The following DGKK variants were observed in gnomAD, a reference collection of about 807,000 sequenced individuals.
The protein encoded by DGKK is 142 kDa diacylglycerol kinase.
In DGKK, 35 loss-of-function variants were observed where a neutral mutation model predicts 92.2. The observed-to-expected ratio is 0.38, with a 90% CI of 0.29 to 0.50. The LOEUF (loss-of-function observed/expected upper bound fraction) is 0.50. Among genes scored for constraint, DGKK ranks in the 20% least tolerant of loss-of-function variants. DGKK has a pLI of 0.92. For missense variants in DGKK, 910 were observed against 992.2 expected, an observed-to-expected ratio of 0.92 and a Z score of 1.11; for synonymous variants, 368 against 360.6, an observed-to-expected ratio of 1.02 and a Z score of -0.23.
Position 50,366,072 on chromosome X carries a change from A to G in DGKK, c.*2868T>C, listed in dbSNP as rs1010156253. The stretch of plus-strand genomic sequence containing the variant: ...GCTACCAAAGATACAACCAAACCCT[A>G]GAGCTTTGGGTCTTAATGATGTCTG... On this transcript the variant is annotated 3_prime_UTR_variant, in exon 28 of 28. Coordinates refer to ENST00000611977, the MANE Select transcript of DGKK (RefSeq NM_001013742.4). 8.9e-6 allele frequency: 1 copy of G among 111,815 alleles called. No homozygotes were observed. Among genetic ancestry groups the G allele is most frequent in the African/African-American group, 3.3e-5 (1 of 30,704 alleles). The allele number at this position is 111,815 out of a possible 1,213,427, so 9.2% of individuals were successfully genotyped here.
At chrX:50,410,886 T>C (rs1223377885) in intron 4 of DGKK, among the ~76,000 whole-genome samples, 2 of 111,369 alleles carry the variant, frequency 1.8e-5, no homozygotes, top group Non-Finnish European at 3.8e-5. Context: ...ACGGGAAACA[T>C]TGGTAGTACC....
At chrX:50,452,646 T>G (rs1926523152) in intron 1 of DGKK, among the ~76,000 whole-genome samples, 1 of 112,083 alleles carries the variant, frequency 8.9e-6, no homozygotes, top group Non-Finnish European at 1.9e-5. Context: ...CTCTTTACTG[T>G]TTTTTAGTGA....
At chrX:50,371,566 G>A (rs782462336) in intron 26 of DGKK, among the ~76,000 whole-genome samples, 158 bp downstream of exon 26, 6 of 111,630 alleles carry the variant, frequency 5.4e-5, no homozygotes, top group African/African-American at 2.0e-4. Flanking sequence ...AAGAGATTGG[G>A]GGGAGGTGGG....
At chrX:50,407,466 G>A (rs984123307) in intron 4 of DGKK, among the ~76,000 whole-genome samples, 1 of 110,653 alleles carries the variant, frequency 9.0e-6, no homozygotes, top group African/African-American at 3.3e-5. Flanking sequence ...TTTCCTCAAC[G>A]TGTGCATGCA....
chrX:50,406,618 G>A (rs1309330518), intron 4 of DGKK, among the ~76,000 whole-genome samples: 1 of 111,614 alleles, frequency 9.0e-6, no homozygotes, highest in Non-Finnish European at 1.9e-5. Flanking sequence ...GACAATGAAG[G>A]TGGAGATTGG....
intron 1 of DGKK, among the ~76,000 whole-genome samples, chrX:50,460,457 G>A (rs1477589908): frequency 3.6e-5 from 4 of 111,386 alleles, no homozygotes; most frequent in African/African-American, 1.3e-4. Flanking sequence ...GTGTGGGTGG[G>A]TGGGGAGCAT....
chrX:50,456,672 C>T (rs1926619202), intron 1 of DGKK, among the ~76,000 whole-genome samples: 1 of 111,631 alleles, frequency 9.0e-6, no homozygotes, highest in African/African-American at 3.3e-5. Context: ...TCATCATTCT[C>T]ATTTTTATTA....
chrX:50,422,597 AACACACAC>A lies in DGKK; in HGVS notation c.757-79_757-72del, dbSNP rs59226442. The A allele has an allele frequency of 3.0e-3, 1,041 of 350,634 alleles. 9 individuals are homozygous for A. The highest frequency in any genetic ancestry group is 0.029 in the African/African-American group (897 of 31,039). 28.9% of individuals were successfully genotyped at this position (350,634 alleles called of 1,213,427 possible). A position where few individuals can be genotyped will look rare whatever the true frequency, so the allele number is the denominator to read the frequency against. On this transcript the variant is annotated intron_variant, in intron 2 of 27. Transcript: ENST00000611977. ...TGATGCAAAGAGACATTAAAAGGTA[AACACACAC>A]ACACACACACACACACACACACACA...
In DGKK at chrX:50,379,967, G is replaced by A. The variant is rs782434209; in HGVS notation, c.2754+14C>T. The A allele has an allele frequency of 4.2e-6, 5 of 1,202,893 alleles. No individual in the cohort carries two copies. The highest frequency in any genetic ancestry group is 3.5e-5 in the African/African-American group (2 of 57,084). On this transcript the variant is annotated intron_variant, in intron 19 of 27. Transcript: ENST00000611977. Reference sequence around the variant, plus strand: ...TCTCCATACCCAGGAAAGACTACCCGCTTTTCCACTAACCTCCAAATGCAC... The same window carrying A: ...TCTCCATACCCAGGAAAGACTACCCACTTTTCCACTAACCTCCAAATGCAC...
chrX:50,403,640 C>T (rs782645065), intron 5 of DGKK, 43 bp from the exon 6 acceptor site: 1 of 1,050,517 alleles, frequency 9.5e-7, no homozygotes, highest in Admixed American at 2.2e-5. Flanking sequence ...AATCTGGTGA[C>T]AGTGAGGATT....
chrX:50,419,837 C>G (rs782095649), intron 4 of DGKK, among the ~76,000 whole-genome samples: 16 of 111,629 alleles, frequency 1.4e-4, no homozygotes, highest in African/African-American at 4.5e-4. Context: ...AAAAAAGAAC[C>G]CTGCTAAGCT....
Position 50,424,268 on chromosome X carries a change from A to G in DGKK, c.736T>C (p.Tyr246His). The change falls in exon 2 of 28, where the codon TAC becomes CAC. Residue 246 changes from tyrosine to histidine, a missense_variant. Tyr to His is a moderately conservative substitution (Grantham distance 83). Coordinates refer to ENST00000611977, the MANE Select transcript of DGKK (RefSeq NM_001013742.4). The stretch of plus-strand genomic sequence containing the variant: ...ATTACCGCGGGATGGTGTGCAAAGT[A>G]GAGCTTCTGTCCTTGAACCAGAAAA... ...RYFLVQGQKL[Y>H]FAHHPAFAHF... 8.3e-7 allele frequency: 1 copy of G among 1,211,127 alleles called. No individual in the cohort carries two copies. The highest frequency in any genetic ancestry group is 1.1e-6 in the Non-Finnish European group (1 of 894,959).
intron 4 of DGKK, among the ~76,000 whole-genome samples, chrX:50,408,717 A>G (rs1410774177): frequency 1.8e-5 from 2 of 111,781 alleles, no homozygotes; most frequent in Non-Finnish European, 3.8e-5. Context: ...TATCTGTCCT[A>G]TGCCTGTCTC....
In DGKK at chrX:50,368,234, G is replaced by A. The variant is rs1557222678; in HGVS notation, c.*706C>T. The stretch of plus-strand genomic sequence containing the variant: ...AGGGGAGCCTGTATGGTTGCCATGA[G>A]GGGTGAGTTCCAACCAATGAGCCCA... On this transcript the variant is annotated 3_prime_UTR_variant, in exon 28 of 28. Coordinates refer to ENST00000611977, the MANE Select transcript of DGKK (RefSeq NM_001013742.4). The A allele has an allele frequency of 1.8e-5, 2 of 110,771 alleles. No individual in the cohort carries two copies. The highest frequency in any genetic ancestry group is 6.6e-5 in the African/African-American group (2 of 30,285). 9.1% of individuals were successfully genotyped at this position (110,771 alleles called of 1,213,427 possible). A position where few individuals can be genotyped will look rare whatever the true frequency, so the allele number is the denominator to read the frequency against.
At chrX:50,456,709 C>G (rs1557232913) in intron 1 of DGKK, among the ~76,000 whole-genome samples, 1 of 111,426 alleles carries the variant, frequency 9.0e-6, no homozygotes, top group Non-Finnish European at 1.9e-5. Context: ...TGACTGAAGA[C>G]TAGTAATTCA....
intron 1 of DGKK, among the ~76,000 whole-genome samples, chrX:50,466,549 T>TATATATTCC (rs1303595704): frequency 2.7e-5 from 3 of 111,944 alleles, no homozygotes; most frequent in Non-Finnish European, 3.8e-5. Context: ...CCTTAAGGGC[T>TATATATTCC]ATATATTCCA....
At chrX:50,436,569 TCA>T (rs1926032916) in intron 1 of DGKK, among the ~76,000 whole-genome samples, 1 of 112,176 alleles carries the variant, frequency 8.9e-6, no homozygotes, top group African/African-American at 3.2e-5. Flanking sequence ...GCTTGTTGGT[TCA>T]GTTTTGTTTT....
rs187535842 is a variant in DGKK at position 50,380,019 on chromosome X, G to A, written c.2716C>T (p.Arg906Cys). 1.7e-5 allele frequency: 21 copies of A among 1,209,966 alleles called. No homozygotes were observed. The highest frequency in any genetic ancestry group is 2.3e-4 in the Middle Eastern group (1 of 4,352). The change falls in exon 19 of 28, where the codon CGC (arginine) becomes TGC (cysteine). Residue 906 changes from arginine to cysteine, a missense_variant. Coordinates refer to ENST00000611977, the MANE Select transcript of DGKK (RefSeq NM_001013742.4). Reference sequence around the variant, plus strand: ...CGTTCTTCCAGTTTCCTGTAAGAGCGCTGCAAAAGTTCTTTGGTTCCCAGA... The same window carrying A: ...CGTTCTTCCAGTTTCCTGTAAGAGCACTGCAAAAGTTCTTTGGTTCCCAGA... ...GLLGTKELLQ[R>C]SYRKLEERVH...
intron 8 of DGKK, among the ~76,000 whole-genome samples, chrX:50,393,802 A>G (rs985153406): frequency 1.8e-5 from 2 of 111,842 alleles, no homozygotes; most frequent in African/African-American, 3.2e-5. Flanking sequence ...GTGAGAAGAT[A>G]CCAGGTCAGG....
Sources: gnomAD v4.1 joint callset for allele counts (sites outside exome capture counted in the v4.1 genomes callset) on GRCh38, gnomAD v4.1.1 for gene constraint, MANE v1.5 for transcripts, NCBI Gene and HGNC (gene_info 2026-07-23, HGNC 2026-07-21) for gene names.